Variants in MYO3B observed in about 807,000 individuals in gnomAD.
MYO3B encodes the protein myosin IIIB.
A neutral mutation model predicts 174.6 loss-of-function variants in MYO3B; 156 were observed. The ratio of observed to expected loss-of-function variants is 0.89; its 90% CI spans 0.78 to 1.02. The LOEUF (loss-of-function observed/expected upper bound fraction) is 1.02, where lower values mean the gene tolerates loss of function less well. Ranked by LOEUF, MYO3B falls within the 50% of genes least tolerant of loss-of-function variation. The pLI, the probability that MYO3B is intolerant of heterozygous loss-of-function variation, is 0.00. For synonymous variants in MYO3B, 563 were observed against 569.1 expected (o/e 0.99, Z 0.15); for missense variants, 1,632 against 1,639.4 (o/e 1.00, Z 0.08).
rs10200033 is a variant in MYO3B, at chr2:170,509,078, C to T, written c.3371-5843C>T. 2.5e-4 allele frequency among the ~76,000 whole-genome samples: 38 copies of T among 152,104 alleles called. No homozygotes were observed. In the East Asian group the frequency reaches 5.4e-3, roughly 22 times the overall value. Reference sequence around the variant, plus strand: ...ACATAATAATGCTGTAACTTCAGGCCGGGCACAGTGGCTCAAGCATATAAT... The same window carrying T: ...ACATAATAATGCTGTAACTTCAGGCTGGGCACAGTGGCTCAAGCATATAAT... On this transcript the variant is annotated intron_variant, in intron 28 of 34. Coordinates refer to ENST00000408978, the MANE Select transcript of MYO3B (RefSeq NM_138995.5).
intron 1 of MYO3B, among the ~76,000 whole-genome samples, chr2:170,194,531 A>C (rs10194807): frequency 0.46 from 69,558 of 151,524 alleles, 16,583 homozygotes; most frequent in African/African-American, 0.62. Flanking sequence ...GAGCTTTGTT[A>C]ATATACATGG....
rs1446167798 is a variant in MYO3B at position 170,405,570 on chromosome 2, C to T, written c.2457C>T (p.Cys819=). 1.2e-6 allele frequency: 2 copies of T among 1,614,124 alleles called. No individual in the cohort carries two copies. The highest frequency in any genetic ancestry group is 1.7e-6 in the Non-Finnish European group (2 of 1,179,978). ...ATAAATTTGAAGATAATCTACGATGCAAATACTTCTGGAGGCCCAAAGGAG... is the reference window on the plus strand; with the variant it reads ...ATAAATTTGAAGATAATCTACGATGTAAATACTTCTGGAGGCCCAAAGGAG... ...LVDKFEDNLR[C]KYFWRPKGVE... is the part of the protein sequence containing the mutation. The change falls in exon 21 of 35, where the codon TGC becomes TGT. Residue 819 remains cysteine (C), a synonymous_variant. Transcript: ENST00000408978.
At chr2:170,617,244 G>C (rs1695518666) in intron 32 of MYO3B, among the ~76,000 whole-genome samples, 1 of 152,142 alleles carries the variant, frequency 6.6e-6, no homozygotes, top group Non-Finnish European at 1.5e-5. Flanking sequence ...ATTTTCTATA[G>C]AATATTGTTA....
chr2:170,394,491 C>A (rs2094433089), intron 16 of MYO3B, among the ~76,000 whole-genome samples: 1 of 151,948 alleles, frequency 6.6e-6, no homozygotes, highest in Non-Finnish European at 1.5e-5. Context: ...CCATCCCTAG[C>A]CCCTCTGGGA....
chr2:170,237,920 T>C (rs1224411648), intron 7 of MYO3B, among the ~76,000 whole-genome samples: 1 of 152,242 alleles, frequency 6.6e-6, no homozygotes, highest in Non-Finnish European at 1.5e-5. Context: ...AGTGTGATTA[T>C]GTGTGCTCAT....
intron 32 of MYO3B, among the ~76,000 whole-genome samples, chr2:170,572,814 A>G (rs1369541724): frequency 6.6e-6 from 1 of 152,212 alleles, no homozygotes; most frequent in African/African-American, 2.4e-5. Context: ...AATCAAATGC[A>G]CAATGTAATA....
chr2:170,607,897 T>A (rs1274829182), intron 32 of MYO3B, among the ~76,000 whole-genome samples: 1 of 152,198 alleles, frequency 6.6e-6, no homozygotes, highest in African/African-American at 2.4e-5. Flanking sequence ...AATTCTAAAG[T>A]ATAATAGAAA....
intron 22 of MYO3B, among the ~76,000 whole-genome samples, chr2:170,420,016 C>G (rs139199731): frequency 0.072 from 10,976 of 152,162 alleles, 437 homozygotes; most frequent in Non-Finnish European, 0.094. Context: ...AACCCCATCT[C>G]TACTAAAAAT....
chr2:170,483,530 G>A (rs1266535816), intron 25 of MYO3B, among the ~76,000 whole-genome samples: 1 of 137,842 alleles, frequency 7.3e-6, no homozygotes, highest in African/African-American at 3.4e-5. Context: ...GGGACTACAG[G>A]CGCCCGCTAC....
chr2:170,415,308 T>A (rs1042455635), intron 22 of MYO3B, among the ~76,000 whole-genome samples: 1 of 152,228 alleles, frequency 6.6e-6, no homozygotes, highest in African/African-American at 2.4e-5. Flanking sequence ...ATTCAGATCT[T>A]TTCTCTAAAC....
intron 32 of MYO3B, among the ~76,000 whole-genome samples, chr2:170,644,163 C>T (rs1698193853): frequency 6.6e-6 from 1 of 152,196 alleles, no homozygotes; most frequent in African/African-American, 2.4e-5. Context: ...AAATGCAGTA[C>T]ACTCAGCTAG....
chr2:170,494,863 C>T (rs1457279985), intron 25 of MYO3B, among the ~76,000 whole-genome samples: 1 of 151,916 alleles, frequency 6.6e-6, no homozygotes, highest in Non-Finnish European at 1.5e-5. Context: ...TTTTACCAGA[C>T]TTTCACAGAG....
intron 16 of MYO3B, among the ~76,000 whole-genome samples, chr2:170,395,448 G>A (rs1203266638): frequency 2.0e-5 from 3 of 152,156 alleles, no homozygotes; most frequent in Non-Finnish European, 4.4e-5. Flanking sequence ...CTGTTGGAGA[G>A]GTTAGGGAGA....
At chr2:170,189,827 T>G (rs2092517054) in intron 1 of MYO3B, among the ~76,000 whole-genome samples, 1 of 152,186 alleles carries the variant, frequency 6.6e-6, no homozygotes, top group African/African-American at 2.4e-5. Flanking sequence ...CCAGGATTGG[T>G]CCCTGGTACC....
At chr2:170,382,174 CT>C (rs776639918) in intron 10 of MYO3B, 62 bp downstream of exon 10, 2 of 1,377,326 alleles carry the variant, frequency 1.5e-6, no homozygotes, top group Non-Finnish European at 2.1e-6. Flanking sequence ...ATGGTCTGAA[CT>C]TTCTGTTGTA....
intron 32 of MYO3B, among the ~76,000 whole-genome samples, chr2:170,646,219 C>G (rs531282973): frequency 6.7e-6 from 1 of 149,810 alleles, no homozygotes; most frequent in South Asian, 2.1e-4. Flanking sequence ...TGCGGTGAGC[C>G]GAGATCACGC....
chr2:170,637,294 C>T (rs1342071001), intron 32 of MYO3B, among the ~76,000 whole-genome samples: 1 of 151,802 alleles, frequency 6.6e-6, no homozygotes, highest in East Asian at 1.9e-4. Context: ...GCCTCACCCT[C>T]CCGAGTAGCT....
chr2:170,186,105 A>G (rs1438039014), intron 1 of MYO3B, among the ~76,000 whole-genome samples: 1 of 152,178 alleles, frequency 6.6e-6, no homozygotes, highest in African/African-American at 2.4e-5. Context: ...TTCCTTTCCA[A>G]TTTGGATGCC....
intron 32 of MYO3B, among the ~76,000 whole-genome samples, chr2:170,638,284 G>A (rs1697689904): frequency 6.6e-6 from 1 of 152,104 alleles, no homozygotes; most frequent in Non-Finnish European, 1.5e-5. Flanking sequence ...GCTAACAGCT[G>A]GGCAAAGGCT....
Sources: gnomAD v4.1 joint callset for allele counts (sites outside exome capture counted in the v4.1 genomes callset) on GRCh38, gnomAD v4.1.1 for gene constraint, MANE v1.5 for transcripts, NCBI Gene and HGNC (gene_info 2026-07-23, HGNC 2026-07-21) for gene names.